KLB: variants seen among roughly 807,000 people sequenced by gnomAD.
KLB encodes beta-klotho.
KLB carries 44 observed loss-of-function variants against 88.4 expected under a neutral mutation model. That is an observed-to-expected ratio of 0.50 (90% CI 0.39 to 0.64). The LOEUF (loss-of-function observed/expected upper bound fraction) is 0.64. Ranked by LOEUF, KLB falls within the 30% of genes least tolerant of loss-of-function variation. KLB has a pLI of 0.00. For missense variants in KLB, 1,137 were observed against 1,304.8 expected (o/e 0.87, Z 1.98); for synonymous variants, 548 against 513.4 (o/e 1.07, Z -0.91).
chr4:39,421,561 C>T (rs186266661), intron 1 of KLB, among the ~76,000 whole-genome samples: 2 of 152,196 alleles, frequency 1.3e-5, no homozygotes, highest in Admixed American at 6.5e-5. Flanking sequence ...ACCAGCCTGG[C>T]CAACACGGCA....
chr4:39,421,113 AT>A (rs1188458061), intron 1 of KLB, among the ~76,000 whole-genome samples: 1 of 151,978 alleles, frequency 6.6e-6, no homozygotes, highest in African/African-American at 2.4e-5. Context: ...TCATTTCCAT[AT>A]TTTTTTCTCC....
In KLB at chr4:39,434,525, C is replaced by A. The variant is rs760929802; in HGVS notation, c.1141C>A (p.Pro381Thr). The change falls in exon 2 of 5, where the codon CCC becomes ACC. Residue 381 changes from proline (P) to threonine (T), a missense_variant. Pro to Thr is a conservative substitution (Grantham distance 38). Coordinates refer to ENST00000257408, the MANE Select transcript of KLB (RefSeq NM_175737.4). ...AFSFGPNNFK[P>T]LNTMAKMGQN... ...TTCTTTTGGACCCAACAACTTCAAG[C>A]CCCTAAACACCATGGCTAAAATGGG... The A allele has an allele frequency of 1.2e-6, 2 of 1,614,100 alleles. No homozygotes were observed. Among genetic ancestry groups the A allele is most frequent in the Non-Finnish European group, 1.7e-6 (2 of 1,179,994 alleles).
intron 2 of KLB, among the ~76,000 whole-genome samples, chr4:39,436,489 A>G (rs1489892707): frequency 6.6e-6 from 1 of 152,200 alleles, no homozygotes; most frequent in Non-Finnish European, 1.5e-5. Flanking sequence ...CAACAGCTAT[A>G]GGCTAGAACC....
At position 39,451,040 on chromosome 4, in the gene KLB, G is replaced by A. The variant is rs778673438; in HGVS notation, c.*2354G>A. On this transcript the variant is annotated 3_prime_UTR_variant, in exon 5 of 5. Coordinates refer to ENST00000257408, the MANE Select transcript of KLB (RefSeq NM_175737.4). ...AAAGCATGCCCCCCTTTTCTAACTTGCTGGTTTACCATAAACTCCCCTAAG... is the reference window on the plus strand; with the variant it reads ...AAAGCATGCCCCCCTTTTCTAACTTACTGGTTTACCATAAACTCCCCTAAG... 1 of 151,982 alleles carries A rather than the reference G, an allele frequency of 6.6e-6. No homozygotes were observed. The highest frequency in any genetic ancestry group is 2.4e-5 in the African/African-American group (1 of 41,370). 9.4% of individuals were successfully genotyped at this position (151,982 alleles called of 1,614,324 possible).
intron 1 of KLB, among the ~76,000 whole-genome samples, chr4:39,430,537 A>G (rs192075468): frequency 5.7e-4 from 87 of 151,722 alleles, no homozygotes; most frequent in Admixed American, 5.1e-3. Flanking sequence ...AGAAGTTGCA[A>G]TCTCAGGTTG....
intron 2 of KLB, 99 bp downstream of exon 2, chr4:39,434,819 T>C (rs1743436206): frequency 6.0e-6 from 6 of 994,616 alleles, no homozygotes; most frequent in Non-Finnish European, 7.3e-6. Context: ...GGGCTTTTTT[T>C]TTTTTGAAAC....
At chr4:39,416,345 A>G (rs1379613493) in intron 1 of KLB, among the ~76,000 whole-genome samples, 1 of 152,236 alleles carries the variant, frequency 6.6e-6, no homozygotes, top group Non-Finnish European at 1.5e-5. Flanking sequence ...TAAGTAGCAT[A>G]AGAAGGTAAA....
chr4:39,416,147 C>T (rs930082286), intron 1 of KLB, among the ~76,000 whole-genome samples: 5 of 150,304 alleles, frequency 3.3e-5, no homozygotes, highest in African/African-American at 1.2e-4. Context: ...ACAGGCTAAA[C>T]ATTAGTCTTT....
At position 39,407,027 on chromosome 4, in the gene KLB, T is replaced by C; in HGVS notation, c.78T>C (p.Tyr26=). 6.2e-7 allele frequency: 1 copy of C among 1,614,160 alleles called. No homozygotes were observed. The highest frequency in any genetic ancestry group is 1.1e-5 in the South Asian group (1 of 91,080). Residue 26 remains tyrosine, a synonymous_variant, in exon 1 of 5, where the codon TAT becomes TAC. Coordinates refer to ENST00000257408, the MANE Select transcript of KLB (RefSeq NM_175737.4). ...GCACTGATGAAATAACCACACGCTA[T>C]AGGAATACAATGTCCAACGGGGGAT... ...FFSTDEITTR[Y]RNTMSNGGLQ... is the part of the protein sequence containing the mutation.
At chr4:39,439,813 G>A (rs1024147087) in intron 3 of KLB, among the ~76,000 whole-genome samples, 7 of 152,208 alleles carry the variant, frequency 4.6e-5, no homozygotes, top group South Asian at 2.1e-4. Flanking sequence ...GACTACAGGC[G>A]TGTGCCACCA....
chr4:39,448,084 A>G (rs971963905), intron 4 of KLB, among the ~76,000 whole-genome samples: 2 of 152,216 alleles, frequency 1.3e-5, no homozygotes, highest in African/African-American at 4.8e-5. Flanking sequence ...TTTATGGATC[A>G]AGTTTCACTA....
intron 3 of KLB, among the ~76,000 whole-genome samples, chr4:39,439,240 C>T (rs1050312548): frequency 3.9e-5 from 6 of 152,102 alleles, no homozygotes; most frequent in Non-Finnish European, 2.9e-5. Context: ...CTCAAACACA[C>T]ATCCTTCCTC....
At chr4:39,414,304 GAA>G (rs10582036) in intron 1 of KLB, among the ~76,000 whole-genome samples, 75,357 of 137,642 alleles carry the variant, frequency 0.55, 19,724 homozygotes, top group Non-Finnish European at 0.61. Context: ...ACTGTTTTTA[GAA>G]AAAAAAAAAA....
Position 39,448,309 on chromosome 4 carries a change from AT to A in KLB, c.2760del (p.Ile920MetfsTer42). ...YLQEVLKAYL[I>X]DKVRIKGYYA... The stretch of plus-strand genomic sequence containing the variant: ...TTTCTTATCTTTTTCAGCATACCTG[AT>A]TGATAAAGTCAGAATCAAAGGCTAT... On this transcript the variant is annotated frameshift_variant, in exon 5 of 5. Transcript: ENST00000257408. LOFTEE classifies it low-confidence loss of function (END_TRUNC). 2 of 1,585,752 alleles carry A rather than the reference AT, an allele frequency of 1.3e-6. No homozygotes were observed. Among genetic ancestry groups the A allele is most frequent in the Non-Finnish European group, 1.7e-6 (2 of 1,163,978 alleles).
At chr4:39,440,750 G>T (rs1233878418) in intron 3 of KLB, among the ~76,000 whole-genome samples, 1 of 151,824 alleles carries the variant, frequency 6.6e-6, no homozygotes, top group African/African-American at 2.4e-5. Context: ...TAGGGACAGG[G>T]CTTCACCATG....
chr4:39,444,307 T>A (rs192893247), intron 3 of KLB, among the ~76,000 whole-genome samples: 1 of 152,164 alleles, frequency 6.6e-6, no homozygotes. Flanking sequence ...TTATTGTCAC[T>A]ATGATATTGT....
chr4:39,443,592 CA>C (rs770812561), intron 3 of KLB, among the ~76,000 whole-genome samples: 1,259 of 65,850 alleles, frequency 0.019, 8 homozygotes, highest in Middle Eastern at 0.037. Context: ...CCTGTCTCTA[CA>C]AAAAAAAAAA....
At chr4:39,443,758 C>CTAAAA (rs1560653061) in intron 3 of KLB, among the ~76,000 whole-genome samples, 1 of 111,080 alleles carries the variant, frequency 9.0e-6, no homozygotes, top group African/African-American at 3.4e-5. Context: ...GAGACTTTGT[C>CTAAAA]AAAAAAAAAA....
intron 1 of KLB, among the ~76,000 whole-genome samples, chr4:39,422,262 A>G (rs1743105302): frequency 6.6e-6 from 1 of 152,140 alleles, no homozygotes; most frequent in Non-Finnish European, 1.5e-5. Flanking sequence ...TAGCTTTACC[A>G]CTAACTGATA....
Sources: allele counts gnomAD v4.1 joint callset (sites outside exome capture counted in the v4.1 genomes callset), GRCh38; gene constraint gnomAD v4.1.1; transcripts MANE v1.5; gene names NCBI Gene and HGNC (gene_info 2026-07-23, HGNC 2026-07-21).